AIPL1: variants seen among roughly 807,000 people sequenced by gnomAD.
AIPL1 encodes aryl-hydrocarbon-interacting protein-like 1.
Under a neutral mutation model 32.9 loss-of-function variants are expected in AIPL1, and 23 were observed. That is an observed-to-expected ratio of 0.70 (90% CI 0.50 to 0.99). The LOEUF (loss-of-function observed/expected upper bound fraction) is 0.99. AIPL1 is among the 50% of genes least tolerant of loss of function. The pLI is 0.00. For missense variants in AIPL1, 485 were observed against 506.0 expected (o/e 0.96, Z 0.40); for synonymous variants, 210 against 209.4 (o/e 1.00, Z -0.02).
rs1386621700 is a variant in AIPL1, at chr17:6,433,910, C to T, written c.276+9G>A. The T allele has an allele frequency of 6.3e-7, 1 of 1,594,804 alleles. No homozygotes were observed. The stretch of plus-strand genomic sequence containing the variant: ...AGTCCCAGGAGACAGGCGCGCAGGG[C>T]CTACTTACGATGGTGTCGCACCAGA... On this transcript the variant is annotated intron_variant, in intron 2 of 5. Transcript: ENST00000381129.
chr17:6,425,479 C>G lies in AIPL1; in HGVS notation c.1136G>C (p.Gly379Ala), dbSNP rs1911819341. The G allele has an allele frequency of 1.2e-6, 2 of 1,601,948 alleles. No individual in the cohort carries two copies. The highest frequency in any genetic ancestry group is 1.7e-6 in the Non-Finnish European group (2 of 1,177,122). The change falls in exon 6 of 6, where the codon GGG becomes GCG. Residue 379 changes from glycine (G) to alanine (A), a missense_variant. Physicochemically the swap from Gly to Ala is moderately conservative, Grantham distance 60. Transcript: ENST00000381129. ...EPATEPPPSP[G>A]HSLQH is the part of the protein sequence containing the mutation. ...GGGGGCTCAGTGCTGCAGCGAGTGCCCTGGGGACGGGGGTGGCTCTGTGGC... is the reference window on the plus strand; with the variant it reads ...GGGGGCTCAGTGCTGCAGCGAGTGCGCTGGGGACGGGGGTGGCTCTGTGGC...
Position 6,430,931 on chromosome 17 carries a change from C to T in AIPL1, c.277-2425G>A, listed in dbSNP as rs1289399264. ...AAAGATGTTCAACATATATTTGCTA[C>T]ATGAATGAATAAATGGATAACATGT... On this transcript the variant is annotated intron_variant, in intron 2 of 5. Transcript: ENST00000381129. Among the ~76,000 whole-genome samples, 6 of 152,182 alleles carry T rather than the reference C, an allele frequency of 3.9e-5. No homozygotes were observed. In the East Asian group the frequency reaches 9.6e-4, roughly 24 times the overall value.
Position 6,434,005 on chromosome 17 carries a change from C to T in AIPL1, c.190G>A (p.Gly64Arg), listed in dbSNP as rs776024427. 31 of 1,614,006 alleles carry T rather than the reference C, an allele frequency of 1.9e-5. No homozygotes were observed. Among genetic ancestry groups the T allele is most frequent in the African/African-American group, 2.7e-5 (2 of 74,920 alleles). Residue 64 changes from glycine (G) to arginine (R), a missense_variant, in exon 2 of 6, where the codon GGA becomes AGA. Physicochemically the swap from Gly to Arg is moderately radical, Grantham distance 125 (BLOSUM62 -2). Coordinates refer to ENST00000381129, the MANE Select transcript of AIPL1 (RefSeq NM_014336.5). The part of the protein sequence containing the change: ...QVGQPMHIII[G>R]NMFKLEVWEI... ...CAGACCTCGAGCTTGAACATGTTTCCGATGATGATGTGCATGGGCTGGCCC... is the reference window on the plus strand; with the variant it reads ...CAGACCTCGAGCTTGAACATGTTTCTGATGATGATGTGCATGGGCTGGCCC...
chr17:6,428,984 G>A (rs1271134673), intron 2 of AIPL1, among the ~76,000 whole-genome samples: 3 of 152,332 alleles, frequency 2.0e-5, no homozygotes, highest in East Asian at 3.9e-4. Context: ...CAAGAGAGTC[G>A]CTTTGGTGTC....
chr17:6,430,070 T>C (rs1435894263), intron 2 of AIPL1, among the ~76,000 whole-genome samples: 3 of 151,554 alleles, frequency 2.0e-5, no homozygotes, highest in Admixed American at 6.6e-5. Context: ...TGTGTGTGTG[T>C]GTGTGTGTGT....
At chr17:6,430,534 A>G (rs1203796734) in intron 2 of AIPL1, among the ~76,000 whole-genome samples, 1 of 151,986 alleles carries the variant, frequency 6.6e-6, no homozygotes, top group Non-Finnish European at 1.5e-5. Context: ...CAACATGGAA[A>G]AAGGAACACA....
chr17:6,425,654 G>A lies in AIPL1; in HGVS notation c.961C>T (p.Leu321=), dbSNP rs779791471. Residue 321 remains leucine, a synonymous_variant, in exon 6 of 6, where the codon CTG becomes TTG. Coordinates refer to ENST00000381129, the MANE Select transcript of AIPL1 (RefSeq NM_014336.5). ...RMAEKQEEER[L]RCRNMLSQGA... ...TGGCTCAGCATGTTCCGGCAGCGCA[G>A]CCGCTCCTCCTCCTGCTTCTCCGCC... is the stretch of plus-strand genomic sequence containing the variant. 2.4e-5 allele frequency: 38 copies of A among 1,611,420 alleles called. 1 individual carries two copies. The highest frequency in any genetic ancestry group is 3.3e-4 in the Middle Eastern group (2 of 6,066).
At chr17:6,426,783 C>A in intron 4 of AIPL1, 27 bp from the exon 5 acceptor site, 11 of 1,612,982 alleles carry the variant, frequency 6.8e-6, no homozygotes, top group Non-Finnish European at 8.5e-6. Flanking sequence ...TCAGCCATGA[C>A]CTCAGGCAGC....
intron 2 of AIPL1, among the ~76,000 whole-genome samples, chr17:6,433,554 G>A (rs1200926661): frequency 3.3e-5 from 5 of 150,344 alleles, no homozygotes; most frequent in African/African-American, 9.8e-5. Flanking sequence ...TTACGCTACT[G>A]CACTCCAGCC....
At chr17:6,427,599 C>T (rs757888210) in intron 3 of AIPL1, among the ~76,000 whole-genome samples, 3 of 152,138 alleles carry the variant, frequency 2.0e-5, no homozygotes, top group East Asian at 1.9e-4. Context: ...TCCACAAACA[C>T]GCGCTGCCAA....
In AIPL1 at chr17:6,426,707, G is replaced by A; in HGVS notation, c.692C>T (p.Thr231Ile). ...GCACTGGCAGTAGTTGAGGATCAGA[G>A]TATTGATCATCTTCTCCAGCTTCAG... ...QWLKLEKMIN[T>I]LILNYCQCLL... is the part of the protein sequence containing the mutation. The change falls in exon 5 of 6, where the codon ACT (threonine) becomes ATT (isoleucine). Residue 231 changes from threonine (T) to isoleucine (I), a missense_variant. Thr to Ile is a moderately conservative substitution (Grantham distance 89, BLOSUM62 -1). Transcript: ENST00000381129. 1.9e-6 allele frequency: 3 copies of A among 1,614,170 alleles called. No homozygotes were observed. Among genetic ancestry groups the A allele is most frequent in the Non-Finnish European group, 2.5e-6 (3 of 1,180,038 alleles).
At chr17:6,434,199 C>T in intron 1 of AIPL1, 101 bp from the exon 2 acceptor site, 1 of 1,353,402 alleles carries the variant, frequency 7.4e-7, no homozygotes, top group Non-Finnish European at 1.0e-6. Context: ...CCAGGGTCAG[C>T]TCACTCAGTT....
chr17:6,427,877 A>G (rs1296622332), intron 3 of AIPL1, among the ~76,000 whole-genome samples: 2 of 151,250 alleles, frequency 1.3e-5, no homozygotes, highest in African/African-American at 2.4e-5. Flanking sequence ...ATGCACTGAC[A>G]TGATCTCTGC....
intron 5 of AIPL1, 77 bp downstream of exon 5, chr17:6,426,538 C>T (rs1237271166): frequency 1.3e-6 from 2 of 1,559,870 alleles, no homozygotes; most frequent in Non-Finnish European, 1.7e-6. Context: ...AAGAAAAGTC[C>T]AGGAAGGCTA....
At chr17:6,427,194 A>G in intron 3 of AIPL1, 137 bp from the exon 4 acceptor site, 1 of 965,102 alleles carries the variant, frequency 1.0e-6, no homozygotes, top group Non-Finnish European at 1.6e-6. Context: ...CAAGGGAAAG[A>G]AGCAACAACG....
intron 1 of AIPL1, 102 bp downstream of exon 1, chr17:6,434,907 T>TC (rs762719693): frequency 1.6e-4 from 250 of 1,571,392 alleles, no homozygotes; most frequent in Non-Finnish European, 2.1e-4. Flanking sequence ...CCTGGCTGTT[T>TC]TTTTGGCACA....
intron 5 of AIPL1, chr17:6,426,071 T>G: frequency 8.2e-7 from 1 of 1,212,826 alleles, no homozygotes; most frequent in Non-Finnish European, 1.1e-6. Context: ...TTTGTTTTAT[T>G]TTTCTTATAG....
rs547102886 is a variant in AIPL1, at chr17:6,425,439, T to C, written c.*21A>G. On this transcript the variant is annotated 3_prime_UTR_variant, in exon 6 of 6. Transcript: ENST00000381129. ...CCAGGCCACTTGCTCCCTGCCTGGG[T>C]GGCTGTGGGCCTCAGGGGGCTCAGT... 24 of 1,570,220 alleles carry C rather than the reference T, an allele frequency of 1.5e-5. No homozygotes were observed. In the African/African-American group the frequency reaches 3.2e-4, roughly 21 times the overall value.
intron 3 of AIPL1, 80 bp downstream of exon 3, chr17:6,428,238 T>G: frequency 6.7e-7 from 1 of 1,502,544 alleles, no homozygotes; most frequent in Non-Finnish European, 9.1e-7. Flanking sequence ...CAGTGGCCAG[T>G]GGGGTGGGGG....
Sources: allele counts gnomAD v4.1 joint callset (sites outside exome capture counted in the v4.1 genomes callset), GRCh38; gene constraint gnomAD v4.1.1; transcripts MANE v1.5; gene names NCBI Gene and HGNC (gene_info 2026-07-23, HGNC 2026-07-21).